ADAMTSL1: variants seen among roughly 807,000 people sequenced by gnomAD.
The protein encoded by ADAMTSL1 is ADAMTS like 1.
Under a neutral mutation model 201.8 loss-of-function variants are expected in ADAMTSL1, and 126 were observed. The ratio of observed to expected loss-of-function variants is 0.62; its 90% CI spans 0.54 to 0.72. The LOEUF (loss-of-function observed/expected upper bound fraction) is 0.72. ADAMTSL1 is among the 30% of genes least tolerant of loss of function. The pLI, the probability that ADAMTSL1 is intolerant of heterozygous loss-of-function variation, is 0.00. For synonymous variants in ADAMTSL1, 1,121 were observed against 903.4 expected (o/e 1.24, Z -4.32); for missense variants, 2,679 against 2,277.8 (o/e 1.18, Z -3.59).
chr9:18,711,081 T>C (rs1832555845), intron 14 of ADAMTSL1, among the ~76,000 whole-genome samples: 1 of 152,208 alleles, frequency 6.6e-6, no homozygotes, highest in South Asian at 2.1e-4. Context: ...GATCTACAGC[T>C]GCAGAAGCCT....
chr9:18,134,003 CATT>C (rs1826055706), intron 1 of ADAMTSL1, among the ~76,000 whole-genome samples: 1 of 152,074 alleles, frequency 6.6e-6, no homozygotes, highest in Non-Finnish European at 1.5e-5. Flanking sequence ...ATAACAGTAA[CATT>C]ATTGTACTGT....
At chr9:18,667,121 C>T (rs1285116161) in intron 9 of ADAMTSL1, among the ~76,000 whole-genome samples, 1 of 151,894 alleles carries the variant, frequency 6.6e-6, no homozygotes, top group Non-Finnish European at 1.5e-5. Context: ...CATCCAGATT[C>T]CCCCTTCCCT....
chr9:18,652,337 C>G (rs1401595171), intron 7 of ADAMTSL1, among the ~76,000 whole-genome samples: 1 of 130,932 alleles, frequency 7.6e-6, no homozygotes, highest in African/African-American at 2.9e-5. Context: ...TGTACTCCAG[C>G]TTGGGTGACA....
chr9:17,929,009 G>T (rs1826668003), intron 1 of ADAMTSL1, among the ~76,000 whole-genome samples: 1 of 152,112 alleles, frequency 6.6e-6, no homozygotes, highest in Non-Finnish European at 1.5e-5. Context: ...GTGGGTGTGT[G>T]TGTGTGTATG....
chr9:17,956,569 T>A (rs772872533), intron 1 of ADAMTSL1, among the ~76,000 whole-genome samples: 1 of 152,158 alleles, frequency 6.6e-6, no homozygotes, highest in Admixed American at 6.5e-5. Context: ...TAGGTTTGGG[T>A]GCTGACCCAC....
intron 1 of ADAMTSL1, among the ~76,000 whole-genome samples, chr9:18,064,531 C>G (rs1822606657): frequency 6.6e-6 from 1 of 152,148 alleles, no homozygotes; most frequent in Non-Finnish European, 1.5e-5. Flanking sequence ...TCTATATTCA[C>G]TTTTAAGAAT....
intron 4 of ADAMTSL1, among the ~76,000 whole-genome samples, chr9:18,599,996 CAAAAAAA>C (rs57914274): frequency 2.2e-3 from 189 of 86,954 alleles, no homozygotes; most frequent in African/African-American, 6.6e-3. Flanking sequence ...ACTAAAAATA[CAAAAAAA>C]AAAAAAAAAA....
chr9:18,066,058 A>C (rs912704079), intron 1 of ADAMTSL1, among the ~76,000 whole-genome samples: 1 of 151,764 alleles, frequency 6.6e-6, no homozygotes, highest in Admixed American at 6.6e-5. Flanking sequence ...ATTTAATCAG[A>C]ATGATTGAAA....
chr9:18,582,155 G>A (rs533088022), intron 4 of ADAMTSL1, among the ~76,000 whole-genome samples: 1 of 152,146 alleles, frequency 6.6e-6, no homozygotes, highest in Non-Finnish European at 1.5e-5. Context: ...AATTTCTTTA[G>A]CAAATGGTTA....
At chr9:18,033,385 G>C (rs2131613261) in intron 1 of ADAMTSL1, among the ~76,000 whole-genome samples, 1 of 152,204 alleles carries the variant, frequency 6.6e-6, no homozygotes, top group African/African-American at 2.4e-5. Context: ...TGTCAATTAA[G>C]AAATAAAACG....
chr9:18,454,012 A>G (rs78926915), intron 2 of ADAMTSL1, among the ~76,000 whole-genome samples: 3 of 152,210 alleles, frequency 2.0e-5, no homozygotes, highest in Admixed American at 1.3e-4. Context: ...CTGCCTATAG[A>G]TAGACAGATA....
At chr9:18,563,442 C>A (rs1821666872) in intron 3 of ADAMTSL1, among the ~76,000 whole-genome samples, 1 of 152,176 alleles carries the variant, frequency 6.6e-6, no homozygotes, top group Admixed American at 6.5e-5. Context: ...TATGAGGTGT[C>A]TGTTGACCCC....
rs535001968 is a variant in ADAMTSL1 at position 18,278,228 on chromosome 9, T to G, written c.207+114247T>G. On this transcript the variant is annotated intron_variant, in intron 2 of 29. Transcript: ENST00000680146. ...GGTATTAAAGTATTCTGAATTTGAC[T>G]TTTGATGTTTATAGTGGTTTTTATA... is the stretch of plus-strand genomic sequence containing the variant. Among the ~76,000 whole-genome samples, 40 of 152,312 alleles carry G rather than the reference T, an allele frequency of 2.6e-4. No homozygotes were observed. In the East Asian group the frequency reaches 7.7e-3, roughly 29 times the overall value.
intron 13 of ADAMTSL1, among the ~76,000 whole-genome samples, chr9:18,693,236 G>A (rs1219483680): frequency 6.6e-6 from 1 of 152,140 alleles, no homozygotes; most frequent in Non-Finnish European, 1.5e-5. Context: ...TCTCAAAGCT[G>A]CCCCTTAATT....
intron 13 of ADAMTSL1, among the ~76,000 whole-genome samples, chr9:18,697,783 A>G (rs62550603): frequency 0.25 from 37,614 of 152,126 alleles, 5,744 homozygotes; most frequent in Non-Finnish European, 0.35. Flanking sequence ...GGTAGCCATT[A>G]AAATCCTTTG....
In ADAMTSL1 at chr9:18,507,328, G is replaced by T. The variant is rs186039089; in HGVS notation, c.191+2372G>T. 2.6e-5 allele frequency among the ~76,000 whole-genome samples: 4 copies of T among 152,286 alleles called. No individual in the cohort carries two copies. The East Asian group carries it at 7.7e-4, about 29-fold the overall frequency. ...CTTACAGCTACAGATTTTAAAAGGA[G>T]CAAAACTAAGACTGAGTTAATCCCT... On this transcript the variant is annotated intron_variant, in intron 2 of 28. Coordinates refer to ENST00000380548, the MANE Select transcript of ADAMTSL1 (RefSeq NM_001040272.6).
chr9:18,134,258 A>G (rs1826066757), intron 1 of ADAMTSL1, among the ~76,000 whole-genome samples: 1 of 152,164 alleles, frequency 6.6e-6, no homozygotes, highest in South Asian at 2.1e-4. Flanking sequence ...TCAAGAACTG[A>G]CAGGATGTCC....
chr9:18,111,821 T>G (rs1438798848), intron 1 of ADAMTSL1, among the ~76,000 whole-genome samples: 1 of 152,200 alleles, frequency 6.6e-6, no homozygotes, highest in Non-Finnish European at 1.5e-5. Flanking sequence ...GCTATTTCCA[T>G]GCAACTCTTT....
chr9:18,094,194 T>A (rs1415613989), intron 1 of ADAMTSL1, among the ~76,000 whole-genome samples: 1 of 152,226 alleles, frequency 6.6e-6, no homozygotes, highest in African/African-American at 2.4e-5. Flanking sequence ...TAATGTGTTC[T>A]TTCAAACCGT....
Sources: gnomAD v4.1 joint callset for allele counts (sites outside exome capture counted in the v4.1 genomes callset) on GRCh38, gnomAD v4.1.1 for gene constraint, MANE v1.5 for transcripts, NCBI Gene and HGNC (gene_info 2026-07-23, HGNC 2026-07-21) for gene names.